The following ANOS1 variants were observed in gnomAD, a reference collection of about 807,000 sequenced individuals.
ANOS1 encodes the protein anosmin-1.
A neutral mutation model predicts 59.0 loss-of-function variants in ANOS1; 6 were observed. The ratio of observed to expected loss-of-function variants is 0.10; its 90% CI spans 0.06 to 0.20. ANOS1 has a LOEUF of 0.20. ANOS1 is among the 10% of genes least tolerant of loss of function. The pLI, the probability that ANOS1 is intolerant of heterozygous loss-of-function variation, is 1.00. For missense variants in ANOS1, 433 were observed against 542.3 expected (o/e 0.80, Z 2.00); for synonymous variants, 217 against 223.4 (o/e 0.97, Z 0.25).
intron 3 of ANOS1, 109 bp downstream of exon 3, chrX:8,623,499 G>C (rs1931333609): frequency 6.8e-6 from 4 of 588,129 alleles, no homozygotes; most frequent in Non-Finnish European, 1.2e-5. Flanking sequence ...TGCAGTTAAT[G>C]ATCTCCCCAA....
chrX:8,622,089 T>C (rs969493939), intron 3 of ANOS1, among the ~76,000 whole-genome samples: 4 of 111,401 alleles, frequency 3.6e-5, no homozygotes, highest in African/African-American at 1.3e-4. Flanking sequence ...CCAAACCCAC[T>C]ATGACCCCTG....
chrX:8,568,308 T>C lies in ANOS1; in HGVS notation c.1131A>G (p.Ile377Met). 8.3e-7 allele frequency: 1 copy of C among 1,209,609 alleles called. No homozygotes were observed. The highest frequency in any genetic ancestry group is 1.1e-6 in the Non-Finnish European group (1 of 893,545). The change falls in exon 8 of 14, where the codon ATA becomes ATG. Residue 377 changes from isoleucine (I) to methionine (M), a missense_variant. Transcript: ENST00000262648. ...TCAGCCGTGTCTGTCCCCAGTACGTTATGGCTTGCAATTCCACAACATAGT... is the reference window on the plus strand; with the variant it reads ...TCAGCCGTGTCTGTCCCCAGTACGTCATGGCTTGCAATTCCACAACATAGT... The part of the protein sequence containing the change: ...DCDYVVELQA[I>M]TYWGQTRLKS...
At chrX:8,595,244 CATA>C (rs1197210059) in intron 4 of ANOS1, among the ~76,000 whole-genome samples, 58 of 111,605 alleles carry the variant, frequency 5.2e-4, no homozygotes, top group African/African-American at 1.9e-3. Context: ...GATAAGATTT[CATA>C]ATAACAGATG....
chrX:8,582,605 A>G (rs985978959), intron 6 of ANOS1, among the ~76,000 whole-genome samples: 14 of 111,677 alleles, frequency 1.3e-4, no homozygotes, highest in African/African-American at 4.6e-4. Context: ...GAAGTGGCTC[A>G]GATTTTAGAA....
intron 1 of ANOS1, among the ~76,000 whole-genome samples, chrX:8,701,883 A>C (rs776433508): frequency 1.8e-5 from 2 of 111,920 alleles, no homozygotes; most frequent in African/African-American, 6.5e-5. Context: ...CTTCAATGTG[A>C]AGATTATTGG....
intron 2 of ANOS1, among the ~76,000 whole-genome samples, chrX:8,671,559 A>T (rs186023956): frequency 9.7e-4 from 105 of 107,955 alleles, no homozygotes; most frequent in African/African-American, 3.4e-3. Context: ...CATAATTTAC[A>T]TGATAATGCT....
intron 9 of ANOS1, among the ~76,000 whole-genome samples, chrX:8,544,809 G>A (rs964544762): frequency 1.8e-5 from 2 of 110,102 alleles, no homozygotes; most frequent in Admixed American, 9.7e-5. Flanking sequence ...GGTCACGCCT[G>A]TAATCCCAGC....
At chrX:8,566,064 T>A in intron 8 of ANOS1, 8 of 754,461 alleles carry the variant, frequency 1.1e-5, no homozygotes, top group Non-Finnish European at 1.3e-5. Context: ...TCTACACTCA[T>A]CCACGCTGCT....
intron 2 of ANOS1, among the ~76,000 whole-genome samples, chrX:8,688,130 T>A (rs1026978996): frequency 6.3e-5 from 7 of 111,271 alleles, no homozygotes; most frequent in Non-Finnish European, 1.3e-4. Context: ...CAAGTGAGAG[T>A]TTTCTACCCC....
At chrX:8,688,246 A>C (rs1240844286) in intron 2 of ANOS1, among the ~76,000 whole-genome samples, 2 of 112,019 alleles carry the variant, frequency 1.8e-5, no homozygotes, top group Non-Finnish European at 3.8e-5. Flanking sequence ...CTGAAATCCA[A>C]TTCTGTCTCC....
At chrX:8,670,147 A>C in intron 2 of ANOS1, among the ~76,000 whole-genome samples, 1 of 110,976 alleles carries the variant, frequency 9.0e-6, no homozygotes, top group Middle Eastern at 4.7e-3. Flanking sequence ...GTAAAAAAAA[A>C]AAAAATTCAG....
intron 10 of ANOS1, 86 bp from the exon 11 acceptor site, chrX:8,537,028 C>A (rs1929607166): frequency 1.2e-6 from 1 of 824,857 alleles, no homozygotes. Context: ...CATATTCCAT[C>A]CAACAAGGAT....
intron 3 of ANOS1, among the ~76,000 whole-genome samples, chrX:8,602,198 T>C (rs1396671526): frequency 9.8e-5 from 11 of 112,430 alleles, no homozygotes; most frequent in African/African-American, 2.9e-4. Context: ...TTTGTTTGAA[T>C]ATAAATTAGA....
At chrX:8,692,373 T>A (rs1256844024) in intron 2 of ANOS1, among the ~76,000 whole-genome samples, 1 of 111,360 alleles carries the variant, frequency 9.0e-6, no homozygotes, top group Non-Finnish European at 1.9e-5. Flanking sequence ...ATGGTTACTA[T>A]CTGGTGTTTT....
chrX:8,540,158 C>G (rs1172106938), intron 9 of ANOS1, among the ~76,000 whole-genome samples: 4 of 111,488 alleles, frequency 3.6e-5, no homozygotes, highest in Non-Finnish European at 7.5e-5. Flanking sequence ...CTCGTAATTC[C>G]TGTTGCAAAA....
At position 8,529,086 on chromosome X, in the gene ANOS1, A is replaced by G. The variant is rs1929454180; in HGVS notation, c.*3909T>C. On this transcript the variant is annotated 3_prime_UTR_variant, in exon 14 of 14. Transcript: ENST00000262648. ...AAATAAATATTGACTTTAAATGACC[A>G]CTGTAAGGGACATGAATTCTACAGA... 8.9e-6 allele frequency: 1 copy of G among 112,200 alleles called. No individual in the cohort carries two copies. The highest frequency in any genetic ancestry group is 9.5e-5 in the Admixed American group (1 of 10,530). 9.2% of individuals were successfully genotyped at this position (112,200 alleles called of 1,213,427 possible).
At chrX:8,709,432 G>T (rs765404370) in intron 1 of ANOS1, among the ~76,000 whole-genome samples, 1 of 111,848 alleles carries the variant, frequency 8.9e-6, no homozygotes, top group East Asian at 2.8e-4. Context: ...AACACAGAGA[G>T]AAAACAATAT....
At chrX:8,680,826 G>A (rs1388195133) in intron 2 of ANOS1, among the ~76,000 whole-genome samples, 1 of 111,807 alleles carries the variant, frequency 8.9e-6, no homozygotes. Flanking sequence ...TTTGGCATAA[G>A]GATTATTTTG....
chrX:8,684,022 T>C (rs1932467318), intron 2 of ANOS1, among the ~76,000 whole-genome samples: 1 of 111,817 alleles, frequency 8.9e-6, no homozygotes, highest in African/African-American at 3.3e-5. Flanking sequence ...CATGTACTTA[T>C]TCTATCTGAG....
Sources: allele counts gnomAD v4.1 joint callset (sites outside exome capture counted in the v4.1 genomes callset), GRCh38; gene constraint gnomAD v4.1.1; transcripts MANE v1.5; gene names NCBI Gene and HGNC (gene_info 2026-07-23, HGNC 2026-07-21).